The following PRKG1 variants were observed in gnomAD, a reference collection of about 807,000 sequenced individuals.
PRKG1 encodes cGMP-dependent protein kinase 1.
PRKG1 carries 35 observed loss-of-function variants against 88.1 expected under a neutral mutation model. That is an observed-to-expected ratio of 0.40 (90% CI 0.30 to 0.53). PRKG1 has a LOEUF of 0.53. Among genes scored for constraint, PRKG1 ranks in the 20% least tolerant of loss-of-function variants. PRKG1 has a pLI of 0.59. For missense variants in PRKG1, 540 were observed against 839.8 expected, an observed-to-expected ratio of 0.64 and a Z score of 4.41; for synonymous variants, 303 against 292.5, an observed-to-expected ratio of 1.04 and a Z score of -0.37.
chr10:51,150,889 T>G (rs945559495), intron 1 of PRKG1, among the ~76,000 whole-genome samples: 9 of 152,022 alleles, frequency 5.9e-5, no homozygotes, highest in Non-Finnish European at 1.5e-5. Flanking sequence ...AATAATCTTA[T>G]TTATGAGAGG....
intron 3 of PRKG1, among the ~76,000 whole-genome samples, chr10:51,527,394 G>C (rs1308229585): frequency 1.3e-5 from 2 of 151,926 alleles, no homozygotes; most frequent in South Asian, 2.1e-4. Context: ...TATCTGTCTA[G>C]ACATTAGGTG....
intron 2 of PRKG1, among the ~76,000 whole-genome samples, chr10:51,260,443 A>AT (rs372008501): frequency 6.6e-6 from 1 of 152,172 alleles, no homozygotes; most frequent in East Asian, 1.9e-4. Flanking sequence ...TTAAAAAAAA[A>AT]TTTTTTATTC....
chr10:51,925,987 A>G (rs996015629), intron 5 of PRKG1, among the ~76,000 whole-genome samples: 1 of 152,178 alleles, frequency 6.6e-6, no homozygotes, highest in Non-Finnish European at 1.5e-5. Context: ...AGCACAATGC[A>G]TGGCATGTAG....
At chr10:51,627,990 TTC>T (rs1304960390) in intron 3 of PRKG1, among the ~76,000 whole-genome samples, 2,083 of 36,086 alleles carry the variant, frequency 0.058, 83 homozygotes, top group African/African-American at 0.11. Flanking sequence ...CTTTCTTTCT[TTC>T]TCTCTCTCTC....
intron 2 of PRKG1, among the ~76,000 whole-genome samples, chr10:51,366,042 GAT>G (rs1393924788): frequency 6.6e-6 from 1 of 151,940 alleles, no homozygotes; most frequent in Non-Finnish European, 1.5e-5. Context: ...TAAGGGAAAA[GAT>G]AGTTTTATAT....
intron 2 of PRKG1, among the ~76,000 whole-genome samples, chr10:51,229,505 T>A (rs1379688246): frequency 6.6e-6 from 1 of 152,182 alleles, no homozygotes; most frequent in African/African-American, 2.4e-5. Flanking sequence ...CAGAGCTAGA[T>A]AACCTTAATT....
rs142474611 is a variant in PRKG1, at chr10:52,212,857, A to G, written c.1077-38713A>G. 4.6e-3 allele frequency among the ~76,000 whole-genome samples: 705 copies of G among 152,288 alleles called. 3 individuals are homozygous for G. The highest frequency in any genetic ancestry group is 0.016 in the African/African-American group (676 of 41,558). On this transcript the variant is annotated intron_variant, in intron 9 of 17. Transcript: ENST00000373980. ...CGCAAAGGGATTGTAGCTTTTTCCT[A>G]TTAAAAAGTCAAATTTACCTTCAGT...
intron 5 of PRKG1, among the ~76,000 whole-genome samples, chr10:51,930,414 G>A (rs1423101772): frequency 6.7e-6 from 1 of 149,372 alleles, no homozygotes; most frequent in Non-Finnish European, 1.5e-5. Context: ...TTTTACCACA[G>A]TACAATTAAT....
chr10:51,545,884 C>G (rs148312880), intron 3 of PRKG1, among the ~76,000 whole-genome samples: 1 of 152,034 alleles, frequency 6.6e-6, no homozygotes, highest in East Asian at 1.9e-4. Context: ...TCCCTTCCCC[C>G]TACACCCCCA....
intron 4 of PRKG1, among the ~76,000 whole-genome samples, chr10:51,856,785 G>A (rs1304019786): frequency 6.6e-6 from 1 of 151,934 alleles, no homozygotes; most frequent in Non-Finnish European, 1.5e-5. Context: ...CTAACACGGT[G>A]AAACCCCGTC....
chr10:52,153,291 A>G (rs1264865856), intron 8 of PRKG1, among the ~76,000 whole-genome samples: 4 of 152,236 alleles, frequency 2.6e-5, no homozygotes, highest in Non-Finnish European at 4.4e-5. Context: ...TCCTATTTCA[A>G]TAAAAATATT....
Position 52,280,837 on chromosome 10 carries a change from A to G in PRKG1, c.1452A>G (p.Val484=). ...STTRFYTACV[V]EAFAYLHSKG... ...CCAGATTTTACACAGCATGTGTGGTAGAAGCTTTTGCCTATCTGCATTCCA... is the reference window on the plus strand; with the variant it reads ...CCAGATTTTACACAGCATGTGTGGTGGAAGCTTTTGCCTATCTGCATTCCA... Residue 484 remains valine (V), a synonymous_variant, in exon 13 of 18, where the codon GTA becomes GTG. Transcript: ENST00000373980. 4 of 1,613,406 alleles carry G rather than the reference A, an allele frequency of 2.5e-6. No homozygotes were observed. The highest frequency in any genetic ancestry group is 3.4e-6 in the Non-Finnish European group (4 of 1,179,480).
At chr10:51,092,071 T>C (rs1170582876) in intron 1 of PRKG1, among the ~76,000 whole-genome samples, 1 of 152,184 alleles carries the variant, frequency 6.6e-6, no homozygotes, top group Non-Finnish European at 1.5e-5. Flanking sequence ...GTGCAAATTC[T>C]GCCATGAAGT....
Position 52,294,651 on chromosome 10 carries a change from G to A in PRKG1, c.*751G>A, listed in dbSNP as rs1842342898. ...TTTGATAAATTGGCATGACAGAGTG[G>A]GGAAAAAAAGCAATTCACAAAACCA... is the stretch of plus-strand genomic sequence containing the variant. On this transcript the variant is annotated 3_prime_UTR_variant, in exon 18 of 18. Transcript: ENST00000373980. 1 of 152,042 alleles carries A rather than the reference G, an allele frequency of 6.6e-6. No individual in the cohort carries two copies. The highest frequency in any genetic ancestry group is 1.5e-5 in the Non-Finnish European group (1 of 67,914). 9.4% of individuals were successfully genotyped at this position (152,042 alleles called of 1,614,324 possible). A position where few individuals can be genotyped will look rare whatever the true frequency, so the allele number is the denominator to read the frequency against.
At chr10:51,512,006 C>A (rs1485455347) in intron 3 of PRKG1, among the ~76,000 whole-genome samples, 1 of 151,988 alleles carries the variant, frequency 6.6e-6, no homozygotes, top group African/African-American at 2.4e-5. Flanking sequence ...AGATATTGAG[C>A]AAAACTGTCA....
At chr10:52,077,403 C>T (rs1156403913) in intron 7 of PRKG1, among the ~76,000 whole-genome samples, 2 of 151,956 alleles carry the variant, frequency 1.3e-5, no homozygotes, top group African/African-American at 4.8e-5. Flanking sequence ...CTTTCTGTCA[C>T]CATAGATTAG....
intron 11 of PRKG1, among the ~76,000 whole-genome samples, chr10:52,271,843 T>C (rs942471207): frequency 1.3e-5 from 2 of 152,074 alleles, no homozygotes; most frequent in Non-Finnish European, 2.9e-5. Flanking sequence ...CTGAATATTT[T>C]TTGAAGATCT....
chr10:51,261,495 G>A (rs1839703456), intron 2 of PRKG1, among the ~76,000 whole-genome samples: 1 of 152,036 alleles, frequency 6.6e-6, no homozygotes, highest in Non-Finnish European at 1.5e-5. Flanking sequence ...CAATATAACT[G>A]TTGAAACAAA....
chr10:51,782,560 G>A (rs1838619693), intron 3 of PRKG1, among the ~76,000 whole-genome samples: 1 of 152,216 alleles, frequency 6.6e-6, no homozygotes, highest in South Asian at 2.1e-4. Context: ...GATATGGTTT[G>A]ACTCTGTGTC....
Sources: gnomAD v4.1 joint callset for allele counts (sites outside exome capture counted in the v4.1 genomes callset) on GRCh38, gnomAD v4.1.1 for gene constraint, MANE v1.5 for transcripts, NCBI Gene and HGNC (gene_info 2026-07-23, HGNC 2026-07-21) for gene names.